PNISR: variants seen among roughly 807,000 people sequenced by gnomAD.
PNISR encodes arginine/serine-rich protein PNISR.
PNISR carries 20 observed loss-of-function variants against 93.4 expected under a neutral mutation model. That is an observed-to-expected ratio of 0.21 (90% confidence interval 0.15 to 0.31). The LOEUF (loss-of-function observed/expected upper bound fraction) is 0.31. Among genes scored for constraint, PNISR ranks in the 10% least tolerant of loss-of-function variants. The probability of loss-of-function intolerance (pLI) is 1.00; values close to 1 mark genes in which losing one functional copy is unlikely to be tolerated. For missense variants in PNISR, 893 were observed against 985.4 expected, an observed-to-expected ratio of 0.91 and a Z score of 1.25; for synonymous variants, 305 against 306.5, an observed-to-expected ratio of 0.99 and a Z score of 0.05.
chr6:99,407,932 T>C (rs553737943), intron 7 of PNISR, 149 bp downstream of exon 7: 8 of 578,344 alleles, frequency 1.4e-5, no homozygotes, highest in East Asian at 1.1e-4. Context: ...GTAACACATA[T>C]ATAAAATCAG....
At chr6:99,421,907 C>A (rs1228013544) in intron 1 of PNISR, among the ~76,000 whole-genome samples, 1 of 152,112 alleles carries the variant, frequency 6.6e-6, no homozygotes, top group Non-Finnish European at 1.5e-5. Context: ...ACTCTGTCGC[C>A]CAGGCTGGAA....
At chr6:99,412,878 A>G in intron 3 of PNISR, 139 bp from the exon 4 acceptor site, 1 of 489,798 alleles carries the variant, frequency 2.0e-6, no homozygotes, top group Non-Finnish European at 3.5e-6. Flanking sequence ...AATTAGAAAA[A>G]TTTTTTTTGA....
Position 99,416,431 on chromosome 6 carries a change from AG to A in PNISR, c.-111-4del. 3 of 1,158,680 alleles carry A rather than the reference AG, an allele frequency of 2.6e-6. No homozygotes were observed. The highest frequency in any genetic ancestry group is 3.3e-6 in the Non-Finnish European group (3 of 921,476). The allele number at this position is 1,158,680 out of a possible 1,614,324, so 71.8% of individuals were successfully genotyped here. ...ATAGCAGCAAGATTATGTATGCCCTAGGGGGAAAAAAAGTAGATGTCTGCTT... is the reference window on the plus strand; with the variant it reads ...ATAGCAGCAAGATTATGTATGCCCTAGGGGAAAAAAAGTAGATGTCTGCTT... On this transcript the variant is annotated splice_region_variant and splice_polypyrimidine_tract_variant and intron_variant, in intron 1 of 11. Coordinates refer to ENST00000369239, the MANE Select transcript of PNISR (RefSeq NM_032870.4).
At chr6:99,423,513 G>A (rs1778922889) in intron 1 of PNISR, among the ~76,000 whole-genome samples, 1 of 152,132 alleles carries the variant, frequency 6.6e-6, no homozygotes, top group Non-Finnish European at 1.5e-5. Context: ...TCTAACAAAC[G>A]CTACTCCAGA....
At chr6:99,414,888 T>C (rs1001858114) in intron 2 of PNISR, 198 bp from the exon 3 acceptor site, 2 of 335,914 alleles carry the variant, frequency 6.0e-6, no homozygotes, top group Non-Finnish European at 1.1e-5. Context: ...TCTCAGAATT[T>C]GGTGGCAAGC....
Position 99,402,722 on chromosome 6 carries a change from A to C in PNISR, c.1157-12T>G. 6.5e-7 allele frequency: 1 copy of C among 1,548,094 alleles called. No homozygotes were observed. Among genetic ancestry groups the C allele is most frequent in the East Asian group, 2.3e-5 (1 of 44,068 alleles). On this transcript the variant is annotated splice_polypyrimidine_tract_variant and intron_variant, in intron 10 of 11. Coordinates refer to ENST00000369239, the MANE Select transcript of PNISR (RefSeq NM_032870.4). ...ACCACCCAGTCCACCTGTGTGCATAAAGCTCAGTCTATCATATGAAAAAAA... is the reference window on the plus strand; with the variant it reads ...ACCACCCAGTCCACCTGTGTGCATACAGCTCAGTCTATCATATGAAAAAAA...
intron 10 of PNISR, 89 bp from the exon 11 acceptor site, chr6:99,402,799 T>A (rs1215021758): frequency 1.0e-6 from 1 of 959,980 alleles, no homozygotes; most frequent in Non-Finnish European, 1.5e-6. Flanking sequence ...GTTCATTTCT[T>A]TTTTCATTGC....
chr6:99,401,837 A>G (rs1044404138), intron 11 of PNISR, among the ~76,000 whole-genome samples: 9 of 152,368 alleles, frequency 5.9e-5, no homozygotes, highest in Admixed American at 1.3e-4. Context: ...CAAAAATATT[A>G]TCATTTCAAC....
Position 99,406,123 on chromosome 6 carries a change from T to C in PNISR, c.910A>G (p.Ser304Gly), listed in dbSNP as rs778449993. 6.2e-7 allele frequency: 1 copy of C among 1,610,300 alleles called. No homozygotes were observed. The highest frequency in any genetic ancestry group is 8.5e-7 in the Non-Finnish European group (1 of 1,176,510). The change falls in exon 8 of 12, where the codon AGT (serine) becomes GGT (glycine). Residue 304 changes from serine (S) to glycine (G), a missense_variant. Ser to Gly is a moderately conservative substitution (Grantham distance 56, BLOSUM62 0). This residue lies in a region of PNISR where 866 missense variants were observed against 935.1 expected (regional missense o/e 0.93). Transcript: ENST00000369239. ...GGACTTCTGGTGACTTTCCCACTAC[T>C]TGCAGCCTCAACATTTTCAGTGTCT... ...EEDTENVEAASSGKVTRSPSP... is the reference protein window; with the variant it reads ...EEDTENVEAAGSGKVTRSPSP...
chr6:99,403,932 G>A (rs1420341492), intron 9 of PNISR, 50 bp from the exon 10 acceptor site: 8 of 1,327,858 alleles, frequency 6.0e-6, no homozygotes, highest in Non-Finnish European at 8.7e-6. Flanking sequence ...AAATAGCCAC[G>A]ATTTCATAGT....
In PNISR at chr6:99,425,293, G is replaced by A. The variant is rs1779367382; in HGVS notation, c.-190C>T. On this transcript the variant is annotated 5_prime_UTR_variant, in exon 1 of 12. Coordinates refer to ENST00000369239, the MANE Select transcript of PNISR (RefSeq NM_032870.4). Reference sequence around the variant, plus strand: ...ACGCTTTCGATGCTTCTACTTCTTCGGGAACAAGACAAGATGGCGCCCGAT... The same window carrying A: ...ACGCTTTCGATGCTTCTACTTCTTCAGGAACAAGACAAGATGGCGCCCGAT... The A allele has an allele frequency of 8.1e-7, 1 of 1,231,994 alleles. No homozygotes were observed. The highest frequency in any genetic ancestry group is 1.0e-6 in the Non-Finnish European group (1 of 987,882). 76.3% of individuals were successfully genotyped at this position (1,231,994 alleles called of 1,614,324 possible).
At position 99,416,306 on chromosome 6, in the gene PNISR, T is replaced by C. The variant is rs945921658; in HGVS notation, c.-32+43A>G. On this transcript the variant is annotated intron_variant, in intron 2 of 11. Transcript: ENST00000369239. ...CTTTAATTAAGAGTTAACAAATAAATAGGAAACACCAAGAAGACACACCAA... is the reference window on the plus strand; with the variant it reads ...CTTTAATTAAGAGTTAACAAATAAACAGGAAACACCAAGAAGACACACCAA... 3.5e-5 allele frequency: 20 copies of C among 573,240 alleles called. No homozygotes were observed. In the African/African-American group the frequency reaches 3.7e-4, roughly 11 times the overall value. The allele number at this position is 573,240 out of a possible 1,614,324, so 35.5% of individuals were successfully genotyped here.
chr6:99,407,691 C>T (rs188611312), intron 7 of PNISR, among the ~76,000 whole-genome samples: 58 of 152,246 alleles, frequency 3.8e-4, no homozygotes, highest in African/African-American at 1.3e-3. Flanking sequence ...CCAGTGCTCA[C>T]GTCAAAAACA....
intron 1 of PNISR, chr6:99,424,984 G>A (rs1779296592): frequency 5.5e-6 from 2 of 363,442 alleles, no homozygotes; most frequent in Non-Finnish European, 9.8e-6. Context: ...AACTCTGTGA[G>A]AAGATGGGAC....
chr6:99,402,760 C>G, intron 10 of PNISR, 50 bp from the exon 11 acceptor site: 1 of 1,368,590 alleles, frequency 7.3e-7, no homozygotes, highest in Non-Finnish European at 9.8e-7. Flanking sequence ...ATACTATGCA[C>G]TAAAAACTTT....
intron 10 of PNISR, 178 bp from the exon 11 acceptor site, chr6:99,402,888 G>T: frequency 2.2e-6 from 1 of 444,794 alleles, no homozygotes; most frequent in East Asian, 3.2e-5. Flanking sequence ...AGAACCTTCA[G>T]GCAAAGGTTA....
rs1775124952 is a variant in PNISR at position 99,398,620 on chromosome 6, T to C, written c.*1920A>G. ...AAATACTACTTTTGGCTCTAGTTCA[T>C]AACTTGCCCAAAAATGTGCATATCA... On this transcript the variant is annotated 3_prime_UTR_variant, in exon 12 of 12. Coordinates refer to ENST00000369239, the MANE Select transcript of PNISR (RefSeq NM_032870.4). 1 of 152,138 alleles carries C rather than the reference T, an allele frequency of 6.6e-6. No homozygotes were observed. Among genetic ancestry groups the C allele is most frequent in the Non-Finnish European group, 1.5e-5 (1 of 67,958 alleles). 9.4% of individuals were successfully genotyped at this position (152,138 alleles called of 1,614,324 possible). A position where few individuals can be genotyped will look rare whatever the true frequency, so the allele number is the denominator to read the frequency against.
At chr6:99,420,041 C>T (rs1226469212) in intron 1 of PNISR, among the ~76,000 whole-genome samples, 2 of 152,102 alleles carry the variant, frequency 1.3e-5, no homozygotes, top group African/African-American at 2.4e-5. Context: ...CCTGCTACCA[C>T]GCCCGGCTAA....
At position 99,414,683 on chromosome 6, in the gene PNISR, T is replaced by C; in HGVS notation, c.-24A>G. On this transcript the variant is annotated 5_prime_UTR_variant, in exon 3 of 12. Transcript: ENST00000369239. Reference sequence around the variant, plus strand: ...ATCCCTTCTTTTAAAATATACTTGATTTTCTATCTTCAATAAATTAAACAT... The same window carrying C: ...ATCCCTTCTTTTAAAATATACTTGACTTTCTATCTTCAATAAATTAAACAT... 6.9e-7 allele frequency: 1 copy of C among 1,450,482 alleles called. No individual in the cohort carries two copies. Among genetic ancestry groups the C allele is most frequent in the Non-Finnish European group, 9.6e-7 (1 of 1,046,104 alleles). 89.9% of individuals were successfully genotyped at this position (1,450,482 alleles called of 1,614,324 possible). A position where few individuals can be genotyped will look rare whatever the true frequency, so the allele number is the denominator to read the frequency against.
Sources: allele counts gnomAD v4.1 joint callset (sites outside exome capture counted in the v4.1 genomes callset), GRCh38; gene constraint gnomAD v4.1.1; regional missense constraint gnomAD v4.1.1; transcripts MANE v1.5; gene names NCBI Gene and HGNC (gene_info 2026-07-23, HGNC 2026-07-21).